CLVS1: variants seen among roughly 807,000 people sequenced by gnomAD.
The protein encoded by CLVS1 is clavesin-1.
CLVS1 carries 10 observed loss-of-function variants against 33.1 expected under a neutral mutation model. That is an observed-to-expected ratio of 0.30 (90% CI 0.19 to 0.51). The LOEUF (loss-of-function observed/expected upper bound fraction) is 0.51, where lower values mean the gene tolerates loss of function less well. Among genes scored for constraint, CLVS1 ranks in the 20% least tolerant of loss-of-function variants. The pLI is 0.97. For missense variants in CLVS1, 343 were observed against 433.4 expected, an observed-to-expected ratio of 0.79 and a Z score of 1.85; for synonymous variants, 163 against 166.1, an observed-to-expected ratio of 0.98 and a Z score of 0.14.
chr8:61,457,617 C>G (rs1378511896), intron 4 of CLVS1, among the ~76,000 whole-genome samples: 1 of 151,982 alleles, frequency 6.6e-6, no homozygotes, highest in East Asian at 1.9e-4. Context: ...GTTTTTGATT[C>G]CATTAAATAA....
intron 4 of CLVS1, among the ~76,000 whole-genome samples, chr8:61,457,668 A>C (rs79585799): frequency 0.011 from 1,638 of 152,244 alleles, 32 homozygotes; most frequent in African/African-American, 0.038. Flanking sequence ...TCACCCTAGG[A>C]GCTAAGAAGC....
chr8:61,482,492 A>G (rs756234648), intron 5 of CLVS1, among the ~76,000 whole-genome samples: 2 of 152,212 alleles, frequency 1.3e-5, no homozygotes, highest in African/African-American at 2.4e-5. Context: ...TAGAATAAAC[A>G]GTGTAGAGAA....
chr8:61,163,300 C>T (rs1806787531), intron 2 of CLVS1, among the ~76,000 whole-genome samples: 1 of 152,144 alleles, frequency 6.6e-6, no homozygotes, highest in Non-Finnish European at 1.5e-5. Context: ...TTTGGGAATG[C>T]TTCTTACCTT....
chr8:61,163,668 G>A (rs1806794501), intron 2 of CLVS1, among the ~76,000 whole-genome samples: 1 of 152,158 alleles, frequency 6.6e-6, no homozygotes, highest in African/African-American at 2.4e-5. Flanking sequence ...GTGTGTTATA[G>A]CTCTGTCAGA....
Position 61,458,006 on chromosome 8 carries a change from A to G in CLVS1, c.742-301A>G, listed in dbSNP as rs1054431352. On this transcript the variant is annotated intron_variant, in intron 4 of 5. Transcript: ENST00000325897. ...GGGGTTTCAGGTGGTCTGCACCATC[A>G]CTCCTTTTACCAGCAGGGATAATTA... is the stretch of plus-strand genomic sequence containing the variant. Among the ~76,000 whole-genome samples the G allele has an allele frequency of 2.0e-5, 3 of 152,288 alleles. No homozygotes were observed. In the East Asian group the frequency reaches 5.8e-4, roughly 29 times the overall value.
the CLVS1 span, among the ~76,000 whole-genome samples, chr8:61,031,219 G>A: frequency 6.6e-6 from 1 of 152,176 alleles, no homozygotes; most frequent in Non-Finnish European, 1.5e-5. Flanking sequence ...TGGGAAAGGG[G>A]GATTTGGACA....
chr8:61,355,012 A>C (rs1017996830), intron 2 of CLVS1, among the ~76,000 whole-genome samples: 4 of 152,174 alleles, frequency 2.6e-5, no homozygotes, highest in Non-Finnish European at 4.4e-5. Flanking sequence ...ACCTCAATTT[A>C]AAAAGTATTC....
intron 2 of CLVS1, among the ~76,000 whole-genome samples, chr8:61,316,172 A>G (rs1811002239): frequency 1.3e-5 from 2 of 152,248 alleles, no homozygotes; most frequent in Non-Finnish European, 2.9e-5. Flanking sequence ...CCAAAGGATT[A>G]TAAATCATTC....
At chr8:61,031,443 C>T in the CLVS1 span, among the ~76,000 whole-genome samples, 1 of 152,184 alleles carries the variant, frequency 6.6e-6, no homozygotes, top group African/African-American at 2.4e-5. Context: ...TGTCTGTCTC[C>T]ACACCAAGAC....
At chr8:61,232,041 T>TTTTTGTTTTG (rs1808454347) in intron 2 of CLVS1, among the ~76,000 whole-genome samples, 2 of 116,004 alleles carry the variant, frequency 1.7e-5, no homozygotes, top group African/African-American at 9.5e-5. Flanking sequence ...TTTTTTTTTT[T>TTTTTGTTTTG]TTTTTTTTTG....
At chr8:61,372,219 A>G (rs1173634836) in intron 2 of CLVS1, among the ~76,000 whole-genome samples, 3 of 152,208 alleles carry the variant, frequency 2.0e-5, no homozygotes, top group Non-Finnish European at 4.4e-5. Context: ...GAGTAAAACC[A>G]TATATAAATG....
intron 1 of CLVS1, among the ~76,000 whole-genome samples, chr8:61,115,148 T>C (rs1805694463): frequency 6.6e-6 from 1 of 152,196 alleles, no homozygotes; most frequent in Non-Finnish European, 1.5e-5. Flanking sequence ...AGGCTCAAAA[T>C]TCAGTTCTGC....
At chr8:61,166,326 C>A (rs1806865017) in intron 2 of CLVS1, among the ~76,000 whole-genome samples, 1 of 151,884 alleles carries the variant, frequency 6.6e-6, no homozygotes, top group Non-Finnish European at 1.5e-5. Flanking sequence ...CGGGATTTCA[C>A]CATGTTGCCC....
At chr8:61,001,640 A>G in the CLVS1 span, among the ~76,000 whole-genome samples, 1 of 152,244 alleles carries the variant, frequency 6.6e-6, no homozygotes, top group Non-Finnish European at 1.5e-5. Flanking sequence ...GTATGGATGG[A>G]CCACTCCCCT....
intron 2 of CLVS1, among the ~76,000 whole-genome samples, chr8:61,215,917 A>G (rs751816331): frequency 6.6e-6 from 1 of 152,044 alleles, no homozygotes; most frequent in Non-Finnish European, 1.5e-5. Context: ...CCCTTGTTCA[A>G]TCCATTTCTT....
At chr8:61,103,754 C>T (rs1805488181) in intron 1 of CLVS1, among the ~76,000 whole-genome samples, 1 of 152,168 alleles carries the variant, frequency 6.6e-6, no homozygotes, top group African/African-American at 2.4e-5. Context: ...TAGGCTTGTG[C>T]CAATTCATTA....
At chr8:61,340,545 C>CATAT (rs10557382) in intron 2 of CLVS1, among the ~76,000 whole-genome samples, 12 of 150,814 alleles carry the variant, frequency 8.0e-5, no homozygotes, top group African/African-American at 2.7e-4. Flanking sequence ...GAATAGTATT[C>CATAT]ATATATATAT....
chr8:61,237,786 GACCA>G lies in CLVS1; in HGVS notation c.-151-61889_-151-61886del, dbSNP rs1269550875. Reference sequence around the variant, plus strand: ...AATCTGCAACATGTGGAGATGGTCAGACCAAGAAAGGTTGGGGCCTTTTGTTTTC... The same window carrying G: ...AATCTGCAACATGTGGAGATGGTCAGAGAAAGGTTGGGGCCTTTTGTTTTC... On this transcript the variant is annotated intron_variant, in intron 2 of 2. Transcript: ENST00000522621. Among the ~76,000 whole-genome samples the G allele has an allele frequency of 1.4e-4, 21 of 152,128 alleles. No individual in the cohort carries two copies. The East Asian group carries it at 3.2e-3, about 23-fold the overall frequency.
At chr8:61,130,249 A>AAATAAATAAAT (rs1806066304) in intron 1 of CLVS1, among the ~76,000 whole-genome samples, 3 of 143,708 alleles carry the variant, frequency 2.1e-5, no homozygotes, top group Admixed American at 2.1e-4. Context: ...AAAAATAAAT[A>AAATAAATAAAT]AATAAATAAA....
Sources: allele counts gnomAD v4.1 joint callset (sites outside exome capture counted in the v4.1 genomes callset), GRCh38; gene constraint gnomAD v4.1.1; transcripts MANE v1.5; gene names NCBI Gene and HGNC (gene_info 2026-07-23, HGNC 2026-07-21).